TMEM131L: variants seen among roughly 807,000 people sequenced by gnomAD.
The protein encoded by TMEM131L is transmembrane 131 like, also known as transmembrane protein 131-like.
TMEM131L carries 54 observed loss-of-function variants against 192.2 expected under a neutral mutation model. The observed-to-expected ratio is 0.28, with a 90% confidence interval of 0.23 to 0.35. TMEM131L has a LOEUF of 0.35. TMEM131L is among the 10% of genes least tolerant of loss of function. The pLI is 1.00. For missense variants in TMEM131L, 1,888 were observed against 1,972.9 expected, an observed-to-expected ratio of 0.96 and a Z score of 0.82; for synonymous variants, 701 against 704.9, an observed-to-expected ratio of 0.99 and a Z score of 0.09.
chr4:153,548,136 G>T (rs76955243), intron 3 of TMEM131L, among the ~76,000 whole-genome samples: 2 of 152,026 alleles, frequency 1.3e-5, no homozygotes, highest in South Asian at 4.1e-4. Context: ...GGTTCTTCAC[G>T]TCGTTTCCGG....
chr4:153,598,312 A>G (rs1282732709), intron 20 of TMEM131L, among the ~76,000 whole-genome samples: 1 of 151,890 alleles, frequency 6.6e-6, no homozygotes, highest in African/African-American at 2.4e-5. Context: ...ATGAGGCTAC[A>G]TGTGTGGGCT....
chr4:153,626,596 G>GCT (rs1733859758), intron 30 of TMEM131L, among the ~76,000 whole-genome samples: 1 of 152,142 alleles, frequency 6.6e-6, no homozygotes, highest in Non-Finnish European at 1.5e-5. Flanking sequence ...TCTCTAAAAA[G>GCT]AATTTCGTTT....
rs550289689 is a variant in TMEM131L at position 153,490,354 on chromosome 4, C to G, written c.239+16466C>G. ...ATTAGGCGCCTTTACAGTGACTACT[C>G]TAGTCATTAGAGGGCTGGGGTAATT... On this transcript the variant is annotated intron_variant, in intron 3 of 34. Transcript: ENST00000409959. 3.7e-4 allele frequency among the ~76,000 whole-genome samples: 57 copies of G among 152,214 alleles called. No homozygotes were observed. The South Asian group carries it at 3.9e-3, about 11-fold the overall frequency.
intron 3 of TMEM131L, among the ~76,000 whole-genome samples, chr4:153,508,679 T>A (rs1007529197): frequency 2.2e-5 from 3 of 135,864 alleles, no homozygotes; most frequent in Non-Finnish European, 3.1e-5. Context: ...TTTTTTTTAA[T>A]TTTTTTTTTT....
intron 7 of TMEM131L, among the ~76,000 whole-genome samples, chr4:153,572,628 G>A (rs1729666425): frequency 6.6e-6 from 1 of 152,128 alleles, no homozygotes; most frequent in African/African-American, 2.4e-5. Flanking sequence ...ACCGCACCCG[G>A]CCCAGTTTGG....
At chr4:153,539,044 A>G (rs1244930954) in intron 3 of TMEM131L, among the ~76,000 whole-genome samples, 1 of 152,224 alleles carries the variant, frequency 6.6e-6, no homozygotes, top group African/African-American at 2.4e-5. Flanking sequence ...AAGGGGGGAT[A>G]TTAGGGGCCA....
intron 18 of TMEM131L, 47 bp from the exon 19 acceptor site, chr4:153,593,752 C>T (rs780225878): frequency 8.3e-7 from 1 of 1,210,560 alleles, no homozygotes; most frequent in Non-Finnish European, 1.2e-6. Flanking sequence ...TCTTTCTTTA[C>T]TGGCAGATGT....
In TMEM131L at chr4:153,623,142, T is replaced by C. The variant is rs529316069; in HGVS notation, c.4045+59T>C. 1.5e-5 allele frequency: 21 copies of C among 1,429,478 alleles called. No individual in the cohort carries two copies. In the African/African-American group the frequency reaches 2.3e-4, roughly 15 times the overall value. 88.5% of individuals were successfully genotyped at this position (1,429,478 alleles called of 1,614,324 possible). ...TGGCCCTTCCCTCTGCCCTCCCACG[T>C]ACCCAGTCCACACAGTCTCGATCTG... is the stretch of plus-strand genomic sequence containing the variant. On this transcript the variant is annotated intron_variant, in intron 29 of 34. Transcript: ENST00000409959.
chr4:153,626,724 C>T (rs889252343), intron 30 of TMEM131L, among the ~76,000 whole-genome samples: 1 of 152,202 alleles, frequency 6.6e-6, no homozygotes, highest in Non-Finnish European at 1.5e-5. Context: ...ATGATCACAC[C>T]ACTACACTCT....
intron 21 of TMEM131L, among the ~76,000 whole-genome samples, chr4:153,601,149 A>G (rs1037882578): frequency 3.3e-5 from 5 of 151,976 alleles, no homozygotes; most frequent in Non-Finnish European, 4.4e-5. Flanking sequence ...TTACATTCCG[A>G]ATTCTTCTTT....
chr4:153,618,611 G>A (rs536750611), intron 26 of TMEM131L, among the ~76,000 whole-genome samples: 4 of 152,118 alleles, frequency 2.6e-5, no homozygotes, highest in South Asian at 4.2e-4. Context: ...AGGATGACTC[G>A]GGAAACTGAG....
chr4:153,546,274 TGGC>T (rs2150372543), intron 3 of TMEM131L, among the ~76,000 whole-genome samples: 1 of 151,892 alleles, frequency 6.6e-6, no homozygotes, highest in African/African-American at 2.4e-5. Context: ...TAGAAATATG[TGGC>T]ATAAATTTAT....
At position 153,621,809 on chromosome 4, in the gene TMEM131L, C is replaced by T. The variant is rs748393667; in HGVS notation, c.3819C>T (p.Ala1273=). Residue 1273 remains alanine, a synonymous_variant, in exon 28 of 35, where the codon GCC becomes GCT. Coordinates refer to ENST00000409959, the MANE Select transcript of TMEM131L (RefSeq NM_001131007.2). The part of the protein sequence containing the change: ...ESTREVCKAD[A]EIASSLPAAQ... ...CTAGGGAGGTTTGTAAAGCAGATGC[C>T]GAAATTGCAAGCAGTTTACCTGCTG... 5.5e-5 allele frequency: 89 copies of T among 1,613,842 alleles called. No individual in the cohort carries two copies. The highest frequency in any genetic ancestry group is 1.3e-4 in the African/African-American group (10 of 74,856).
At chr4:153,563,459 T>TG (rs1728978712) in intron 7 of TMEM131L, among the ~76,000 whole-genome samples, 1 of 107,378 alleles carries the variant, frequency 9.3e-6, no homozygotes, top group Non-Finnish European at 1.8e-5. Flanking sequence ...ATGTACCCTT[T>TG]TTTTTTTTTT....
chr4:153,623,200 GGCCTT>G, intron 29 of TMEM131L, 117 bp downstream of exon 29: 1 of 894,212 alleles, frequency 1.1e-6, no homozygotes, highest in Non-Finnish European at 1.6e-6. Context: ...ATGGGACAGT[GGCCTT>G]GACCTTTGCT....
chr4:153,469,953 CAAA>C (rs562840208), intron 2 of TMEM131L, among the ~76,000 whole-genome samples: 3,264 of 141,736 alleles, frequency 0.023, 129 homozygotes, highest in African/African-American at 0.077. Flanking sequence ...AACAAACAAA[CAAA>C]AAAACCAGTA....
intron 26 of TMEM131L, among the ~76,000 whole-genome samples, chr4:153,616,267 T>A (rs1732969155): frequency 1.3e-5 from 2 of 152,212 alleles, no homozygotes; most frequent in South Asian, 4.1e-4. Flanking sequence ...CAGTGGTTTG[T>A]CATTTCTTTC....
chr4:153,493,202 C>T (rs993218723), intron 3 of TMEM131L, among the ~76,000 whole-genome samples: 5 of 150,848 alleles, frequency 3.3e-5, no homozygotes, highest in South Asian at 2.1e-4. Context: ...AAAAATTAGC[C>T]GGGCGTGGTG....
chr4:153,593,753 TG>T, intron 18 of TMEM131L, 45 bp from the exon 19 acceptor site: 4 of 1,215,306 alleles, frequency 3.3e-6, no homozygotes, highest in Non-Finnish European at 4.9e-6. Flanking sequence ...CTTTCTTTAC[TG>T]GCAGATGTGA....
Sources: allele counts gnomAD v4.1 joint callset (sites outside exome capture counted in the v4.1 genomes callset), GRCh38; gene constraint gnomAD v4.1.1; transcripts MANE v1.5; gene names NCBI Gene and HGNC (gene_info 2026-07-23, HGNC 2026-07-21).